Variants in CTNNBIP1 observed in about 807,000 individuals in gnomAD.
The protein encoded by CTNNBIP1 is beta-catenin-interacting protein 1.
CTNNBIP1 carries 7 observed loss-of-function variants against 11.8 expected under a neutral mutation model. The ratio of observed to expected loss-of-function variants is 0.60; its 90% CI spans 0.34 to 1.12. The LOEUF is 1.12. CTNNBIP1 is among the 50% of genes most tolerant of loss of function. The probability of loss-of-function intolerance (pLI) is 0.03; values close to 1 mark genes in which losing one functional copy is unlikely to be tolerated. For synonymous variants in CTNNBIP1, 58 were observed against 43.9 expected, an observed-to-expected ratio of 1.32 and a Z score of -1.26; for missense variants, 101 against 113.4, an observed-to-expected ratio of 0.89 and a Z score of 0.50.
At chr1:9,884,310 A>G (rs1639142586) in intron 1 of CTNNBIP1, among the ~76,000 whole-genome samples, 1 of 152,144 alleles carries the variant, frequency 6.6e-6, no homozygotes, top group African/African-American at 2.4e-5. Context: ...ACCAGGGGCC[A>G]TGGCAGCCCT....
chr1:9,900,103 T>C (rs1183026418), intron 1 of CTNNBIP1, among the ~76,000 whole-genome samples: 1 of 148,980 alleles, frequency 6.7e-6, no homozygotes, highest in African/African-American at 2.5e-5. Flanking sequence ...TAGAATGCCA[T>C]TAAAATGAGT....
chr1:9,851,403 C>T lies in CTNNBIP1; in HGVS notation c.188-627G>A, dbSNP rs1175542080. ...TTTTTGTGTGTGATATGGAGTCTTG[C>T]TCTATCACCCAGGCTGGAGTATAGT... On this transcript the variant is annotated intron_variant, in intron 5 of 5. Transcript: ENST00000377263. This position sits in a 1 kb window ranked among gnomAD's most constrained non-coding sequence, Gnocchi z 4.8. 6.6e-6 allele frequency among the ~76,000 whole-genome samples: 1 copy of T among 151,902 alleles called. No individual in the cohort carries two copies. Among genetic ancestry groups the T allele is most frequent in the Non-Finnish European group, 1.5e-5 (1 of 68,010 alleles).
At position 9,900,595 on chromosome 1, in the gene CTNNBIP1, C is replaced by T. The variant is rs188199050; in HGVS notation, c.-144+9500G>A. Among the ~76,000 whole-genome samples the T allele has an allele frequency of 4.6e-5, 7 of 152,288 alleles. No homozygotes were observed. The East Asian group carries it at 7.7e-4, about 17-fold the overall frequency. On this transcript the variant is annotated intron_variant, in intron 1 of 5. Transcript: ENST00000377263. The stretch of plus-strand genomic sequence containing the variant: ...AGCAAACACAAGGCAAACGGGCACA[C>T]GTGACCCCTTGTGCCAGCAGCAGCA...
chr1:9,906,494 G>A (rs1639623168), intron 1 of CTNNBIP1, among the ~76,000 whole-genome samples: 1 of 152,222 alleles, frequency 6.6e-6, no homozygotes, highest in South Asian at 2.1e-4. Flanking sequence ...GGAGGCAGAG[G>A]GTTGCAGTGA....
At position 9,871,786 on chromosome 1, in the gene CTNNBIP1, G is replaced by A. The variant is rs774093810; in HGVS notation, c.96+183C>T. On this transcript the variant is annotated intron_variant, in intron 4 of 5. Coordinates refer to ENST00000377263, the MANE Select transcript of CTNNBIP1 (RefSeq NM_020248.3). The surrounding 1 kb of genome is among the most constrained non-coding windows in gnomAD (Gnocchi z 5.2). ...GGGTGTCCCCAGAACTTGACGTGCT[G>A]GGCTCTGTGCCTAGGGGGCCAGAAG... Among the ~76,000 whole-genome samples the A allele has an allele frequency of 2.4e-4, 37 of 152,104 alleles. No homozygotes were observed. Among genetic ancestry groups the A allele is most frequent in the Non-Finnish European group, 5.1e-4 (35 of 67,990 alleles).
intron 3 of CTNNBIP1, among the ~76,000 whole-genome samples, chr1:9,877,638 A>G (rs957954178): frequency 1.3e-5 from 2 of 152,262 alleles, no homozygotes; most frequent in African/African-American, 2.4e-5. Context: ...ATACAATGCC[A>G]TAGAATTGGT....
intron 2 of CTNNBIP1, among the ~76,000 whole-genome samples, chr1:9,882,517 C>G (rs1639104909): frequency 6.6e-6 from 1 of 152,164 alleles, no homozygotes; most frequent in South Asian, 2.1e-4. Flanking sequence ...AGAGTTGTGG[C>G]TTAGGCCAAG....
At chr1:9,886,913 G>A (rs980863879) in intron 1 of CTNNBIP1, among the ~76,000 whole-genome samples, 2 of 152,106 alleles carry the variant, frequency 1.3e-5, no homozygotes, top group African/African-American at 2.4e-5. Context: ...AGGAGCAACC[G>A]CCTTAATTAA....
rs775625614 is a variant in CTNNBIP1 at position 9,850,588 on chromosome 1, G to A, written c.*130C>T. 8.3e-5 allele frequency: 63 copies of A among 758,658 alleles called. No homozygotes were observed. Among genetic ancestry groups the A allele is most frequent in the Non-Finnish European group, 1.1e-4 (48 of 427,566 alleles). The allele number at this position is 758,658 out of a possible 1,614,324, so 47.0% of individuals were successfully genotyped here. ...CCACTGAGTAGCTGTGAGGTGGGGTGGGGCAGGGCAGGGTTGGGTAGGGGA... is the reference window on the plus strand; with the variant it reads ...CCACTGAGTAGCTGTGAGGTGGGGTAGGGCAGGGCAGGGTTGGGTAGGGGA... On this transcript the variant is annotated 3_prime_UTR_variant, in exon 6 of 6. Transcript: ENST00000377263.
chr1:9,873,912 A>AC (rs1638914468), intron 3 of CTNNBIP1, among the ~76,000 whole-genome samples: 2 of 151,950 alleles, frequency 1.3e-5, no homozygotes, highest in African/African-American at 4.8e-5. Context: ...ATTTAAAAAC[A>AC]TTTTTTTGTA....
chr1:9,883,464 AG>A lies in CTNNBIP1; in HGVS notation c.-110+240del, dbSNP rs1639123937. 6.6e-6 allele frequency among the ~76,000 whole-genome samples: 1 copy of A among 152,142 alleles called. No homozygotes were observed. Among genetic ancestry groups the A allele is most frequent in the African/African-American group, 2.4e-5 (1 of 41,434 alleles). ...CATCCCATGTCTACTCAGGCCCCACAGGCTCCTGTCCCCATCACAGCCCTCA... is the reference window on the plus strand; with the variant it reads ...CATCCCATGTCTACTCAGGCCCCACAGCTCCTGTCCCCATCACAGCCCTCA... On this transcript the variant is annotated intron_variant, in intron 2 of 5. Transcript: ENST00000377263. The surrounding 1 kb of genome is among the most constrained non-coding windows in gnomAD (Gnocchi z 5.6).
chr1:9,879,020 AC>A (rs1280263753), intron 2 of CTNNBIP1, among the ~76,000 whole-genome samples: 1 of 152,110 alleles, frequency 6.6e-6, no homozygotes, highest in Non-Finnish European at 1.5e-5. Context: ...ACATAGTGAA[AC>A]CCTGTATCTA....
chr1:9,871,939 C>T lies in CTNNBIP1; in HGVS notation c.96+30G>A, dbSNP rs767582607. 19 of 1,588,198 alleles carry T rather than the reference C, an allele frequency of 1.2e-5. No homozygotes were observed. In the South Asian group the frequency reaches 1.9e-4, roughly 16 times the overall value. On this transcript the variant is annotated intron_variant, in intron 4 of 5. Coordinates refer to ENST00000377263, the MANE Select transcript of CTNNBIP1 (RefSeq NM_020248.3). The surrounding 1 kb of genome is among the most constrained non-coding windows in gnomAD (Gnocchi z 5.2). The stretch of plus-strand genomic sequence containing the variant: ...CTCCCTGGGAGACCCTCCCTGGGGG[C>T]CCGCTGCCTGACACCCCACAGGCAC...
At chr1:9,856,470 A>G (rs896531144) in intron 5 of CTNNBIP1, among the ~76,000 whole-genome samples, 2 of 151,810 alleles carry the variant, frequency 1.3e-5, no homozygotes, top group African/African-American at 4.8e-5. Context: ...TTGACAAATC[A>G]TATATCTGGT....
chr1:9,894,514 C>T (rs1271151312), intron 1 of CTNNBIP1, among the ~76,000 whole-genome samples: 2 of 151,806 alleles, frequency 1.3e-5, no homozygotes, highest in Non-Finnish European at 2.9e-5. Flanking sequence ...CACAACCACA[C>T]TCGACTGCTT....
Position 9,871,210 on chromosome 1 carries a change from A to G in CTNNBIP1, c.164T>C (p.Leu55Pro), listed in dbSNP as rs1201997978. The change falls in exon 5 of 6, where the codon CTG becomes CCG. Residue 55 changes from leucine to proline, a missense_variant. By Grantham distance (98) the Leu-to-Pro change is moderately conservative. Coordinates refer to ENST00000377263, the MANE Select transcript of CTNNBIP1 (RefSeq NM_020248.3). The surrounding 1 kb of genome is among the most constrained non-coding windows in gnomAD (Gnocchi z 5.2). The stretch of plus-strand genomic sequence containing the variant: ...ACCCTGGTCGATGGAGTGCGGAGGC[A>G]GCTGGCTGAGCTGGCTGTTGACCAC... ...AGVVNSQLSQ[L>P]PPHSIDQGAE... 2.5e-6 allele frequency: 4 copies of G among 1,578,538 alleles called. No homozygotes were observed. Among genetic ancestry groups the G allele is most frequent in the Non-Finnish European group, 2.6e-6 (3 of 1,162,940 alleles).
intron 5 of CTNNBIP1, among the ~76,000 whole-genome samples, chr1:9,865,289 TA>T: frequency 6.7e-6 from 1 of 148,316 alleles, no homozygotes. Flanking sequence ...TTATCATGCG[TA>T]AAAAATGGAT....
At chr1:9,884,408 C>G (rs141182463) in intron 1 of CTNNBIP1, among the ~76,000 whole-genome samples, 1 of 152,094 alleles carries the variant, frequency 6.6e-6, no homozygotes. Flanking sequence ...CCTTAATCCC[C>G]GAGAGCTGCC....
chr1:9,899,757 CA>C (rs1296143611), intron 1 of CTNNBIP1, among the ~76,000 whole-genome samples: 1 of 141,648 alleles, frequency 7.1e-6, no homozygotes, highest in Admixed American at 7.2e-5. Flanking sequence ...GGCTCCGTCT[CA>C]AAAAAAAAGA....
Sources: allele counts gnomAD v4.1 joint callset (sites outside exome capture counted in the v4.1 genomes callset), GRCh38; gene constraint gnomAD v4.1.1; non-coding constraint Gnocchi (gnomAD v3.1); transcripts MANE v1.5; gene names NCBI Gene and HGNC (gene_info 2026-07-23, HGNC 2026-07-21).